The following PPARD variants were observed in gnomAD, a reference collection of about 807,000 sequenced individuals.
The protein encoded by PPARD is peroxisome proliferator activated receptor delta, also known as peroxisome proliferator-activated receptor delta.
A neutral mutation model predicts 39.5 loss-of-function variants in PPARD; 6 were observed. The observed-to-expected ratio is 0.15, with a 90% CI of 0.08 to 0.30. PPARD has a LOEUF of 0.30. Among genes scored for constraint, PPARD ranks in the 10% least tolerant of loss-of-function variants. The pLI is 1.00. For missense variants in PPARD, 397 were observed against 596.8 expected, an observed-to-expected ratio of 0.67 and a Z score of 3.49; for synonymous variants, 210 against 231.3, an observed-to-expected ratio of 0.91 and a Z score of 0.83.
At position 35,396,297 on chromosome 6, in the gene PPARD, C is replaced by G. The variant is rs1255483944; in HGVS notation, c.-101-14690C>G. On this transcript the variant is annotated intron_variant, in intron 2 of 7. Transcript: ENST00000360694. ...TTGGCTTACTGCAAGCTCCACCTCC[C>G]AGGTTCACGCCATTCTCCTGCCTCA... 4.0e-5 allele frequency among the ~76,000 whole-genome samples: 6 copies of G among 151,524 alleles called. 1 individual carries two copies.
intron 2 of PPARD, among the ~76,000 whole-genome samples, chr6:35,355,218 G>A (rs1761502444): frequency 6.6e-6 from 1 of 152,084 alleles, no homozygotes; most frequent in East Asian, 1.9e-4. Flanking sequence ...TTCCAGCCAG[G>A]CACAGTGAAT....
At chr6:35,346,153 A>G (rs891417732) in intron 1 of PPARD, among the ~76,000 whole-genome samples, 9 of 152,068 alleles carry the variant, frequency 5.9e-5, no homozygotes, top group Admixed American at 6.5e-5. Context: ...TGCTGGGATT[A>G]CAGGCGTGAG....
At chr6:35,382,251 G>A (rs1310726849) in intron 2 of PPARD, among the ~76,000 whole-genome samples, 2 of 152,164 alleles carry the variant, frequency 1.3e-5, no homozygotes, top group East Asian at 3.9e-4. Flanking sequence ...GAGAGCATTC[G>A]TTCCTGGACA....
At chr6:35,372,523 C>T (rs12173582) in intron 2 of PPARD, among the ~76,000 whole-genome samples, 6,513 of 152,300 alleles carry the variant, frequency 0.043, 376 homozygotes, top group East Asian at 0.3. Context: ...CTAGCCAAAT[C>T]GCTCAACCTA....
In PPARD at chr6:35,422,322, G is replaced by C. The variant is rs9658158; in HGVS notation, c.424+364G>C. Reference sequence around the variant, plus strand: ...AGCCTGTCTCAGATGACCTGACACAGCATGAAAGCTACTGCCAAGGCCAGG... The same window carrying C: ...AGCCTGTCTCAGATGACCTGACACACCATGAAAGCTACTGCCAAGGCCAGG... On this transcript the variant is annotated intron_variant, in intron 5 of 7. Transcript: ENST00000360694. Among the ~76,000 whole-genome samples, 6 of 152,314 alleles carry C rather than the reference G, an allele frequency of 3.9e-5. No individual in the cohort carries two copies. In the South Asian group the frequency reaches 1.2e-3, roughly 32 times the overall value.
At chr6:35,376,837 G>A (rs998130766) in intron 2 of PPARD, among the ~76,000 whole-genome samples, 3 of 151,894 alleles carry the variant, frequency 2.0e-5, no homozygotes, top group African/African-American at 7.3e-5. Flanking sequence ...TGGCTAACGC[G>A]GTGAAACCCC....
intron 2 of PPARD, among the ~76,000 whole-genome samples, chr6:35,371,280 A>T (rs1227783234): frequency 1.3e-5 from 2 of 151,928 alleles, no homozygotes; most frequent in East Asian, 3.9e-4. Context: ...TTCCTCTCTG[A>T]CTGCGCCTTT....
intron 2 of PPARD, among the ~76,000 whole-genome samples, chr6:35,371,745 A>G (rs547690537): frequency 1.3e-5 from 2 of 152,302 alleles, no homozygotes; most frequent in East Asian, 3.9e-4. Flanking sequence ...CCTTGTTTGG[A>G]AAAAAACTCA....
At chr6:35,409,855 C>T (rs1453418165) in intron 2 of PPARD, among the ~76,000 whole-genome samples, 4 of 152,142 alleles carry the variant, frequency 2.6e-5, no homozygotes, top group Non-Finnish European at 5.9e-5. Flanking sequence ...ATAAGAAACC[C>T]AATGTCCAAG....
intron 3 of PPARD, among the ~76,000 whole-genome samples, chr6:35,416,537 T>G (rs778583971): frequency 3.9e-5 from 6 of 152,150 alleles, no homozygotes; most frequent in Non-Finnish European, 8.8e-5. Flanking sequence ...CTCGGCTTCC[T>G]TGCCTGTAAA....
chr6:35,419,663 C>T (rs1385330115), intron 3 of PPARD, among the ~76,000 whole-genome samples: 2 of 152,212 alleles, frequency 1.3e-5, no homozygotes, highest in Non-Finnish European at 2.9e-5. Flanking sequence ...CAGAGGTCTA[C>T]AGTCCTGCAG....
intron 2 of PPARD, among the ~76,000 whole-genome samples, chr6:35,361,396 C>T (rs1761919313): frequency 6.6e-6 from 1 of 152,086 alleles, no homozygotes; most frequent in Non-Finnish European, 1.5e-5. Context: ...ACCTGTAATA[C>T]CAGCACTTTG....
At chr6:35,351,929 A>T (rs1761280134) in intron 2 of PPARD, among the ~76,000 whole-genome samples, 1 of 137,880 alleles carries the variant, frequency 7.3e-6, no homozygotes, top group Admixed American at 8.0e-5. Flanking sequence ...GCGGTGGCAC[A>T]GTCTTGGCTC....
intron 1 of PPARD, among the ~76,000 whole-genome samples, chr6:35,344,099 A>G (rs1253852902): frequency 6.6e-6 from 1 of 151,874 alleles, no homozygotes; most frequent in Non-Finnish European, 1.5e-5. Context: ...ATTTTCTCTC[A>G]TATCTCTTTG....
chr6:35,360,263 T>C (rs1184816486), intron 2 of PPARD, among the ~76,000 whole-genome samples: 1 of 151,762 alleles, frequency 6.6e-6, no homozygotes, highest in African/African-American at 2.4e-5. Context: ...AAAAAAAAAA[T>C]CTCTGCTGTG....
chr6:35,359,005 T>C (rs1364281358), intron 2 of PPARD, among the ~76,000 whole-genome samples: 1 of 145,870 alleles, frequency 6.9e-6, no homozygotes, highest in East Asian at 1.9e-4. Flanking sequence ...CAGTTCCACA[T>C]AGAGGGCCGG....
In PPARD at chr6:35,426,412, T is replaced by C. The variant is rs1766582154; in HGVS notation, c.*333T>C. The C allele has an allele frequency of 2.6e-6, 1 of 380,360 alleles. No homozygotes were observed. Among genetic ancestry groups the C allele is most frequent in the African/African-American group, 2.1e-5 (1 of 48,340 alleles). 23.6% of individuals were successfully genotyped at this position (380,360 alleles called of 1,614,324 possible). A position where few individuals can be genotyped will look rare whatever the true frequency, so the allele number is the denominator to read the frequency against. On this transcript the variant is annotated 3_prime_UTR_variant, in exon 8 of 8. Transcript: ENST00000360694. ...CTCTCTCCACCCCCCACGTCTGTCCTCCTTTCTTATTCTGTGAGATGTTTT... is the reference window on the plus strand; with the variant it reads ...CTCTCTCCACCCCCCACGTCTGTCCCCCTTTCTTATTCTGTGAGATGTTTT...
rs1761249924 is a variant in PPARD, at chr6:35,351,545, G to A, written c.-102+4395G>A. Among the ~76,000 whole-genome samples the A allele has an allele frequency of 3.3e-5, 5 of 151,724 alleles. No individual in the cohort carries two copies. The South Asian group carries it at 1.0e-3, about 32-fold the overall frequency. On this transcript the variant is annotated intron_variant, in intron 2 of 7. Transcript: ENST00000360694. ...TGATTTTTATCATTGGTAACATACT[G>A]TTGGTTCTTTTGTTTGATTTTGTCT...
At chr6:35,382,052 T>C (rs970750437) in intron 2 of PPARD, among the ~76,000 whole-genome samples, 2 of 152,224 alleles carry the variant, frequency 1.3e-5, no homozygotes, top group Non-Finnish European at 2.9e-5. Context: ...TCTTCTGCTC[T>C]CTCCTTTTTG....
Sources: allele counts gnomAD v4.1 joint callset (sites outside exome capture counted in the v4.1 genomes callset), GRCh38; gene constraint gnomAD v4.1.1; transcripts MANE v1.5; gene names NCBI Gene and HGNC (gene_info 2026-07-23, HGNC 2026-07-21).